The following GRIK2 variants were observed in gnomAD, a reference collection of about 807,000 sequenced individuals.
GRIK2 encodes the protein glutamate ionotropic receptor kainate type subunit 2, also known as glutamate receptor ionotropic, kainate 2.
A neutral mutation model predicts 100.3 loss-of-function variants in GRIK2; 32 were observed. The ratio of observed to expected loss-of-function variants is 0.32; its 90% confidence interval spans 0.24 to 0.43. GRIK2 has a LOEUF of 0.43. Among genes scored for constraint, GRIK2 ranks in the 20% least tolerant of loss-of-function variants. GRIK2 has a pLI of 1.00. For synonymous variants in GRIK2, 417 were observed against 389.4 expected (o/e 1.07, Z -0.83); for missense variants, 843 against 1,114.9 (o/e 0.76, Z 3.47).
chr6:102,015,620 A>G lies in GRIK2; in HGVS notation c.2086-19721A>G, dbSNP rs117627549. Among the ~76,000 whole-genome samples, 292 of 152,232 alleles carry G rather than the reference A, an allele frequency of 1.9e-3. 7 individuals carry two copies. The East Asian group carries it at 0.055, about 29-fold the overall frequency. ...AGAGGCCAGCACCCTGGCACCCACT[A>G]GCACCCCACAGCAGCTAAATGCATG... On this transcript the variant is annotated intron_variant, in intron 14 of 16. Transcript: ENST00000369134.
chr6:101,471,999 C>T (rs1771972321), intron 2 of GRIK2, among the ~76,000 whole-genome samples: 1 of 150,092 alleles, frequency 6.7e-6, no homozygotes, highest in African/African-American at 2.4e-5. Flanking sequence ...TTTGCCATAC[C>T]ACATTTGAAA....
intron 4 of GRIK2, among the ~76,000 whole-genome samples, chr6:101,647,237 C>A (rs1048432017): frequency 2.0e-5 from 3 of 151,828 alleles, no homozygotes; most frequent in African/African-American, 7.3e-5. Context: ...CAGAAAGAAA[C>A]AAGCTTCTAT....
At chr6:101,422,839 A>T (rs1776477415) in intron 2 of GRIK2, among the ~76,000 whole-genome samples, 1 of 152,196 alleles carries the variant, frequency 6.6e-6, no homozygotes, top group African/African-American at 2.4e-5. Context: ...AAAAATAATT[A>T]TGTGAATACA....
chr6:102,047,535 G>C (rs981734767), intron 15 of GRIK2, among the ~76,000 whole-genome samples: 4 of 151,986 alleles, frequency 2.6e-5, no homozygotes, highest in Non-Finnish European at 5.9e-5. Flanking sequence ...GGATCACAAG[G>C]TCAGGAGTTC....
chr6:101,849,440 G>T (rs991134416), intron 10 of GRIK2, among the ~76,000 whole-genome samples: 3 of 151,990 alleles, frequency 2.0e-5, no homozygotes, highest in Admixed American at 1.3e-4. Flanking sequence ...TTGTTGTTAA[G>T]GTGTAAGTCT....
intron 7 of GRIK2, among the ~76,000 whole-genome samples, chr6:101,696,518 T>G (rs1327691819): frequency 6.6e-6 from 1 of 151,984 alleles, no homozygotes; most frequent in Non-Finnish European, 1.5e-5. Flanking sequence ...GATGTTAGGA[T>G]GTATACAGTG....
chr6:101,506,342 C>G (rs374857211), intron 2 of GRIK2, among the ~76,000 whole-genome samples: 16 of 152,102 alleles, frequency 1.1e-4, no homozygotes, highest in African/African-American at 3.6e-4. Context: ...ATTCAAAAAT[C>G]CATATCCTCC....
intron 14 of GRIK2, among the ~76,000 whole-genome samples, chr6:102,009,853 T>C (rs1224118044): frequency 1.3e-5 from 2 of 152,130 alleles, no homozygotes; most frequent in Non-Finnish European, 2.9e-5. Context: ...GTATGCAGTC[T>C]TCTGGGAAAA....
chr6:101,578,884 A>G (rs1777914336), intron 2 of GRIK2, among the ~76,000 whole-genome samples: 1 of 152,168 alleles, frequency 6.6e-6, no homozygotes, highest in African/African-American at 2.4e-5. Flanking sequence ...AAAATAAAAC[A>G]GTTTTCAAAA....
chr6:101,723,168 C>T (rs1051661192), intron 7 of GRIK2, among the ~76,000 whole-genome samples: 2 of 152,002 alleles, frequency 1.3e-5, no homozygotes, highest in Non-Finnish European at 2.9e-5. Flanking sequence ...CAAAGGATAA[C>T]AAGTAATTTC....
At chr6:101,467,851 A>G (rs1771729615) in intron 2 of GRIK2, among the ~76,000 whole-genome samples, 1 of 152,058 alleles carries the variant, frequency 6.6e-6, no homozygotes. Context: ...TTCATTTATA[A>G]ATACCCAGTG....
intron 11 of GRIK2, among the ~76,000 whole-genome samples, chr6:101,881,623 T>A (rs1279982693): frequency 6.6e-6 from 1 of 151,740 alleles, no homozygotes; most frequent in African/African-American, 2.4e-5. Flanking sequence ...AAGTAACTTG[T>A]CTAGTGCATT....
At chr6:101,813,413 AT>A (rs1286671141) in intron 9 of GRIK2, among the ~76,000 whole-genome samples, 1 of 152,198 alleles carries the variant, frequency 6.6e-6, no homozygotes, top group African/African-American at 2.4e-5. Flanking sequence ...GTCTGCAACC[AT>A]AAAAGTATGT....
rs140640416 is a variant in GRIK2 at position 101,869,946 on chromosome 6, C to T, written c.1524+10453C>T. On this transcript the variant is annotated intron_variant, in intron 11 of 16. Coordinates refer to ENST00000369134, the MANE Select transcript of GRIK2 (RefSeq NM_021956.5). ...GTTTTATTATATCTGAAAGGTAACT[C>T]AACATTTTGTTACCAACTAAGCAGG... Among the ~76,000 whole-genome samples, 63 of 151,984 alleles carry T rather than the reference C, an allele frequency of 4.1e-4. 1 individual carries two copies. Among genetic ancestry groups the T allele is most frequent in the Non-Finnish European group, 7.2e-4 (49 of 67,942 alleles).
chr6:101,879,808 AG>A (rs1184405939), intron 11 of GRIK2, among the ~76,000 whole-genome samples: 1 of 151,794 alleles, frequency 6.6e-6, no homozygotes, highest in Non-Finnish European at 1.5e-5. Context: ...ATTTCGGGGT[AG>A]GTAAACTTGG....
In GRIK2 at chr6:101,553,074, C is replaced by T. The variant is rs115662019; in HGVS notation, c.116-68875C>T. Among the ~76,000 whole-genome samples the T allele has an allele frequency of 1.6e-3, 249 of 152,198 alleles. 1 individual carries two copies. Among genetic ancestry groups the T allele is most frequent in the African/African-American group, 5.8e-3 (242 of 41,522 alleles). ...CAGTCAAGGCCAGTTCTCTGTCAAA[C>T]ATTGGAAGGAAACATAAAATGTCTT... is the stretch of plus-strand genomic sequence containing the variant. On this transcript the variant is annotated intron_variant, in intron 2 of 16. Coordinates refer to ENST00000369134, the MANE Select transcript of GRIK2 (RefSeq NM_021956.5).
At chr6:101,590,031 T>C (rs1778567492) in intron 2 of GRIK2, among the ~76,000 whole-genome samples, 1 of 152,136 alleles carries the variant, frequency 6.6e-6, no homozygotes, top group Admixed American at 6.6e-5. Flanking sequence ...TATATAAAAC[T>C]GTATTTTCCT....
chr6:101,414,153 GGCATCTA>G (rs1776004708), intron 2 of GRIK2, among the ~76,000 whole-genome samples: 1 of 152,116 alleles, frequency 6.6e-6, no homozygotes, highest in South Asian at 2.1e-4. Flanking sequence ...CATGAAGGGA[GGCATCTA>G]GCAGTTCTTA....
chr6:102,064,424 TTCTCTCTTTCTCTGTCCA>T (rs1771915526), intron 16 of GRIK2, among the ~76,000 whole-genome samples: 1 of 148,240 alleles, frequency 6.7e-6, no homozygotes, highest in African/African-American at 2.5e-5. Flanking sequence ...CTTTCTTTCT[TTCTCTCTTTCTCTGTCCA>T]TCTTTCTTTC....
Sources: gnomAD v4.1 joint callset for allele counts (sites outside exome capture counted in the v4.1 genomes callset) on GRCh38, gnomAD v4.1.1 for gene constraint, MANE v1.5 for transcripts, NCBI Gene and HGNC (gene_info 2026-07-23, HGNC 2026-07-21) for gene names.